Variants in EYS observed in about 807,000 individuals in gnomAD.
The protein encoded by EYS is protein eyes shut homolog.
A neutral mutation model predicts 282.1 loss-of-function variants in EYS; 250 were observed. The observed-to-expected ratio is 0.89, with a 90% confidence interval of 0.80 to 0.98. The LOEUF is 0.98. EYS is among the 50% of genes least tolerant of loss of function. The probability of loss-of-function intolerance (pLI) is 0.00; values close to 1 mark genes in which losing one functional copy is unlikely to be tolerated. For missense variants in EYS, 4,016 were observed against 3,709.0 expected, an observed-to-expected ratio of 1.08 and a Z score of -2.15; for synonymous variants, 1,355 against 1,282.9, an observed-to-expected ratio of 1.06 and a Z score of -1.20.
chr6:64,787,713 T>C (rs1774067059), intron 22 of EYS, among the ~76,000 whole-genome samples: 1 of 149,212 alleles, frequency 6.7e-6, no homozygotes, highest in Non-Finnish European at 1.5e-5. Flanking sequence ...TAGATAATAA[T>C]ACATATATAA....
At chr6:64,007,786 A>G (rs183845069) in intron 33 of EYS, among the ~76,000 whole-genome samples, 1 of 152,064 alleles carries the variant, frequency 6.6e-6, no homozygotes, top group East Asian at 1.9e-4. Flanking sequence ...TTTCCATGTG[A>G]TTGTATGATT....
intron 2 of EYS, among the ~76,000 whole-genome samples, chr6:65,619,425 GTTGT>G (rs1385093682): frequency 2.6e-5 from 4 of 152,198 alleles, no homozygotes; most frequent in Non-Finnish European, 5.9e-5. Context: ...CTTTGCTGAA[GTTGT>G]TTATCAGCTT....
chr6:64,765,617 A>C (rs1481419018), intron 22 of EYS, among the ~76,000 whole-genome samples: 1 of 152,226 alleles, frequency 6.6e-6, no homozygotes, highest in Admixed American at 6.5e-5. Flanking sequence ...GCATAACAGG[A>C]AGCATGATTG....
At chr6:63,933,366 G>A (rs114102853) in intron 35 of EYS, among the ~76,000 whole-genome samples, 2,206 of 152,014 alleles carry the variant, frequency 0.015, 49 homozygotes, top group African/African-American at 0.05. Flanking sequence ...ACCATCACAC[G>A]CGGCTAATTT....
chr6:64,191,801 G>A (rs1265467464), intron 31 of EYS, among the ~76,000 whole-genome samples: 68 of 147,828 alleles, frequency 4.6e-4, no homozygotes, highest in South Asian at 6.4e-4. Context: ...GTGTGCATGT[G>A]TCTTTATAGC....
At chr6:63,944,114 T>G (rs189961689) in intron 35 of EYS, among the ~76,000 whole-genome samples, 41 of 152,244 alleles carry the variant, frequency 2.7e-4, no homozygotes, top group African/African-American at 9.4e-4. Context: ...TAAGAGACAA[T>G]GACTCTTTTT....
chr6:64,422,768 C>A (rs532579383), intron 28 of EYS, among the ~76,000 whole-genome samples: 2 of 152,228 alleles, frequency 1.3e-5, no homozygotes, highest in African/African-American at 4.8e-5. Context: ...CTATGTTAAT[C>A]TTGTGCTACC....
Position 64,217,762 on chromosome 6 carries a change from T to C in EYS, c.6424+12830A>G, listed in dbSNP as rs528368371. Among the ~76,000 whole-genome samples the C allele has an allele frequency of 3.0e-4, 46 of 152,246 alleles. No individual in the cohort carries two copies. The East Asian group carries it at 6.6e-3, about 22-fold the overall frequency. On this transcript the variant is annotated intron_variant, in intron 31 of 42. Transcript: ENST00000503581. ...ATTAAACATATCTAGGTGGTACATGTTCATTGGCCTAGCTACCATCTCCCC... is the reference window on the plus strand; with the variant it reads ...ATTAAACATATCTAGGTGGTACATGCTCATTGGCCTAGCTACCATCTCCCC...
At chr6:64,351,277 G>C (rs1163877272) in intron 29 of EYS, among the ~76,000 whole-genome samples, 2 of 151,390 alleles carry the variant, frequency 1.3e-5, no homozygotes, top group African/African-American at 2.4e-5. Context: ...TCTTATTTCA[G>C]TCTATGCAAG....
intron 2 of EYS, among the ~76,000 whole-genome samples, chr6:65,520,307 A>G (rs1233824039): frequency 2.0e-5 from 3 of 152,172 alleles, no homozygotes; most frequent in Non-Finnish European, 4.4e-5. Flanking sequence ...TTTGATTTCC[A>G]CAAAATTTAT....
At chr6:64,060,488 C>G (rs1318825641) in intron 33 of EYS, among the ~76,000 whole-genome samples, 3 of 152,060 alleles carry the variant, frequency 2.0e-5, no homozygotes, top group Admixed American at 6.6e-5. Context: ...AGTCTATTTT[C>G]TATAAATTAC....
At chr6:64,849,569 T>C (rs1364700939) in intron 19 of EYS, among the ~76,000 whole-genome samples, 1 of 152,188 alleles carries the variant, frequency 6.6e-6, no homozygotes, top group East Asian at 1.9e-4. Context: ...GAAATATAAG[T>C]GGGCTTGACT....
At chr6:64,185,287 A>G (rs1764901000) in intron 31 of EYS, among the ~76,000 whole-genome samples, 1 of 152,210 alleles carries the variant, frequency 6.6e-6, no homozygotes, top group Non-Finnish European at 1.5e-5. Context: ...AAGTAATTTC[A>G]CTTCTAACCC....
At chr6:64,125,167 TCTCTCTCTCG>T (rs1582305285) in intron 31 of EYS, among the ~76,000 whole-genome samples, 1 of 151,078 alleles carries the variant, frequency 6.6e-6, no homozygotes, top group Non-Finnish European at 1.5e-5. Context: ...TCTCTCTCTC[TCTCTCTCTCG>T]CTCTCTCTCT....
chr6:65,320,006 G>A (rs1210259038), intron 11 of EYS, among the ~76,000 whole-genome samples: 1 of 151,942 alleles, frequency 6.6e-6, no homozygotes, highest in African/African-American at 2.4e-5. Flanking sequence ...TCTAAAGAGA[G>A]TCTAGGTCTC....
At chr6:64,652,817 T>G (rs1768610456) in intron 22 of EYS, among the ~76,000 whole-genome samples, 1 of 152,118 alleles carries the variant, frequency 6.6e-6, no homozygotes, top group African/African-American at 2.4e-5. Flanking sequence ...AGCAATTAAC[T>G]CTCATGTTTG....
chr6:64,590,136 C>A, intron 26 of EYS, 87 bp downstream of exon 26: 2 of 1,195,188 alleles, frequency 1.7e-6, no homozygotes, highest in South Asian at 1.6e-5. Context: ...CTGTTCAGAG[C>A]ACCCGGTGAC....
intron 36 of EYS, among the ~76,000 whole-genome samples, chr6:63,814,390 TATCGAATTC>T (rs1183270997): frequency 6.6e-6 from 1 of 152,228 alleles, no homozygotes; most frequent in Non-Finnish European, 1.5e-5. Flanking sequence ...GGATATATAA[TATCGAATTC>T]ACCCACAGGT....
chr6:65,415,064 T>G (rs1014825497), intron 5 of EYS, among the ~76,000 whole-genome samples: 1 of 152,048 alleles, frequency 6.6e-6, no homozygotes, highest in African/African-American at 2.4e-5. Context: ...TGCAAATGGT[T>G]TATAAAAGAT....
Sources: gnomAD v4.1 joint callset for allele counts (sites outside exome capture counted in the v4.1 genomes callset) on GRCh38, gnomAD v4.1.1 for gene constraint, MANE v1.5 for transcripts, NCBI Gene and HGNC (gene_info 2026-07-23, HGNC 2026-07-21) for gene names.